Variants in SNX14 observed in about 807,000 individuals in gnomAD.
SNX14 encodes sorting nexin-14.
A neutral mutation model predicts 133.8 loss-of-function variants in SNX14; 93 were observed. That is an observed-to-expected ratio of 0.70 (90% CI 0.59 to 0.83). The LOEUF (loss-of-function observed/expected upper bound fraction) is 0.83. Among genes scored for constraint, SNX14 ranks in the 40% least tolerant of loss-of-function variants. The pLI is 0.00. For missense variants in SNX14, 945 were observed against 1,094.9 expected (o/e 0.86, Z 1.93); for synonymous variants, 368 against 365.6 (o/e 1.01, Z -0.07).
intron 1 of SNX14, among the ~76,000 whole-genome samples, chr6:85,579,445 C>A (rs1166615754): frequency 6.6e-6 from 1 of 152,152 alleles, no homozygotes; most frequent in East Asian, 1.9e-4. Flanking sequence ...TCATAAGAAT[C>A]AAAAACCAGG....
chr6:85,541,110 C>T (rs1211740217), intron 15 of SNX14, among the ~76,000 whole-genome samples: 1 of 150,832 alleles, frequency 6.6e-6, no homozygotes, highest in Admixed American at 6.6e-5. Flanking sequence ...TCTTCTGCTT[C>T]GCCTCCCAAG....
intron 18 of SNX14, among the ~76,000 whole-genome samples, chr6:85,530,580 G>A (rs935260403): frequency 2.0e-5 from 3 of 151,716 alleles, no homozygotes; most frequent in Non-Finnish European, 1.5e-5. Context: ...AAGAGGCAGA[G>A]GTTGCAGCGA....
chr6:85,521,492 T>C (rs1776827205), intron 21 of SNX14, among the ~76,000 whole-genome samples: 1 of 150,094 alleles, frequency 6.7e-6, no homozygotes, highest in Admixed American at 6.6e-5. Context: ...TTTTCTACTG[T>C]ATTGTCTTCT....
chr6:85,533,547 A>G, intron 18 of SNX14, 52 bp downstream of exon 18: 1 of 1,549,896 alleles, frequency 6.5e-7, no homozygotes, highest in African/African-American at 1.4e-5. Context: ...CCTGATAACA[A>G]CAGACTCATT....
chr6:85,533,015 T>C (rs1435502617), intron 18 of SNX14, among the ~76,000 whole-genome samples: 3 of 151,962 alleles, frequency 2.0e-5, no homozygotes, highest in African/African-American at 4.8e-5. Context: ...GCCTCCAGAG[T>C]AGCCGGGACT....
chr6:85,588,475 G>T (rs374781166), intron 1 of SNX14, among the ~76,000 whole-genome samples: 2 of 152,148 alleles, frequency 1.3e-5, no homozygotes, highest in East Asian at 3.9e-4. Context: ...TACTTGGGAG[G>T]CTGAGGCAGG....
At chr6:85,593,554 C>G (rs199589393) in intron 1 of SNX14, 25 bp downstream of exon 1, 8 of 1,594,702 alleles carry the variant, frequency 5.0e-6, no homozygotes, top group Non-Finnish European at 6.8e-6. Flanking sequence ...AAAGCCGCCG[C>G]CCAGGCTCCG....
In SNX14 at chr6:85,549,075, A is replaced by G. The variant is rs953035634; in HGVS notation, c.791+648T>C. Reference sequence around the variant, plus strand: ...TGTTTAATGTAATTACCTTATAATCATATTTACTATTATAAACTAGTCTAG... The same window carrying G: ...TGTTTAATGTAATTACCTTATAATCGTATTTACTATTATAAACTAGTCTAG... On this transcript the variant is annotated intron_variant, in intron 8 of 28. Coordinates refer to ENST00000314673, the MANE Select transcript of SNX14 (RefSeq NM_153816.6). Among the ~76,000 whole-genome samples, 4 of 151,894 alleles carry G rather than the reference A, an allele frequency of 2.6e-5. No homozygotes were observed. In the South Asian group the frequency reaches 8.3e-4, roughly 31 times the overall value.
chr6:85,560,061 A>T (rs959527794), intron 6 of SNX14, among the ~76,000 whole-genome samples: 3 of 152,206 alleles, frequency 2.0e-5, no homozygotes, highest in African/African-American at 7.2e-5. Flanking sequence ...TGGTGGAGCC[A>T]CTTTGGAAAA....
intron 21 of SNX14, among the ~76,000 whole-genome samples, chr6:85,520,836 T>C (rs180930807): frequency 1.8e-4 from 27 of 152,366 alleles, no homozygotes; most frequent in Admixed American, 1.5e-3. Context: ...TTCAACGTTA[T>C]GACTTTACCA....
At chr6:85,592,207 C>G (rs1803009701) in intron 1 of SNX14, among the ~76,000 whole-genome samples, 1 of 152,158 alleles carries the variant, frequency 6.6e-6, no homozygotes, top group African/African-American at 2.4e-5. Context: ...CTCAGTAAAA[C>G]ATCAACTACT....
intron 23 of SNX14, 54 bp downstream of exon 23, chr6:85,517,702 A>G (rs1441684301): frequency 9.2e-6 from 14 of 1,526,952 alleles, no homozygotes; most frequent in African/African-American, 2.8e-5. Flanking sequence ...TGAAAAAGTA[A>G]TCTCAAGTAG....
At chr6:85,593,504 C>A in intron 1 of SNX14, 75 bp downstream of exon 1, 2 of 1,516,892 alleles carry the variant, frequency 1.3e-6, no homozygotes, top group East Asian at 2.4e-5. Context: ...GGCCTCCGCA[C>A]GGTTAAGCAG....
intron 1 of SNX14, chr6:85,581,633 T>A (rs1459906593): frequency 6.6e-6 from 1 of 152,140 alleles, no homozygotes; most frequent in Non-Finnish European, 1.5e-5. Flanking sequence ...TCCTATCAGA[T>A]AAATTTAACA....
At chr6:85,551,886 G>C (rs549429106) in intron 7 of SNX14, among the ~76,000 whole-genome samples, 37 of 152,154 alleles carry the variant, frequency 2.4e-4, no homozygotes, top group African/African-American at 8.7e-4. Context: ...TTTTAGACCT[G>C]GCAATAACTA....
At chr6:85,515,015 A>C (rs368050245) in intron 23 of SNX14, among the ~76,000 whole-genome samples, 27 of 152,190 alleles carry the variant, frequency 1.8e-4, no homozygotes, top group Non-Finnish European at 3.5e-4. Flanking sequence ...CTGTAATCTC[A>C]GCACTTTGGA....
At chr6:85,558,575 C>T (rs1427895561) in intron 6 of SNX14, among the ~76,000 whole-genome samples, 1 of 152,136 alleles carries the variant, frequency 6.6e-6, no homozygotes, top group Non-Finnish European at 1.5e-5. Context: ...GATTCTCCCA[C>T]CTCAGCCTCC....
chr6:85,593,160 T>C (rs1041969704), intron 1 of SNX14, among the ~76,000 whole-genome samples: 1 of 152,134 alleles, frequency 6.6e-6, no homozygotes, highest in Non-Finnish European at 1.5e-5. Context: ...GGTGGGGAGA[T>C]GGAAGAACGC....
intron 1 of SNX14, among the ~76,000 whole-genome samples, chr6:85,591,874 A>G (rs766700249): frequency 2.6e-5 from 4 of 152,114 alleles, no homozygotes; most frequent in Admixed American, 6.5e-5. Context: ...GTAGCCGGGC[A>G]TGGTGGTGCC....
Sources: gnomAD v4.1 joint callset for allele counts (sites outside exome capture counted in the v4.1 genomes callset) on GRCh38, gnomAD v4.1.1 for gene constraint, MANE v1.5 for transcripts, NCBI Gene and HGNC (gene_info 2026-07-23, HGNC 2026-07-21) for gene names.